Variants in MEI1 observed in about 807,000 individuals in gnomAD.
MEI1 encodes meiosis inhibitor protein 1.
Under a neutral mutation model 146.2 loss-of-function variants are expected in MEI1, and 103 were observed. That is an observed-to-expected ratio of 0.70 (90% CI 0.60 to 0.83). MEI1 has a LOEUF of 0.83. Ranked by LOEUF, MEI1 falls within the 40% of genes least tolerant of loss-of-function variation. The probability of loss-of-function intolerance (pLI) is 0.00; values close to 1 mark genes in which losing one functional copy is unlikely to be tolerated. For synonymous variants in MEI1, 652 were observed against 628.2 expected, an observed-to-expected ratio of 1.04 and a Z score of -0.57; for missense variants, 1,529 against 1,533.0, an observed-to-expected ratio of 1.00 and a Z score of 0.04.
intron 3 of MEI1, among the ~76,000 whole-genome samples, chr22:41,712,229 T>TG (rs1272351490): frequency 2.4e-5 from 2 of 81,756 alleles, no homozygotes; most frequent in African/African-American, 1.2e-4. Context: ...ATTGTGTTTT[T>TG]TTTGTTTGTT....
In MEI1 at chr22:41,709,119, TA is replaced by T. The variant is rs2069333258; in HGVS notation, c.349+3566del. The stretch of plus-strand genomic sequence containing the variant: ...TGAAGTGTTCTGTGTGCTAACAACA[TA>T]GCTTAAAAAAATTCTGCATTTTTAT... On this transcript the variant is annotated intron_variant, in intron 3 of 30. Transcript: ENST00000401548. 18 of 666,466 alleles carry T rather than the reference TA, an allele frequency of 2.7e-5. No individual in the cohort carries two copies. In the South Asian group the frequency reaches 2.8e-4, roughly 10 times the overall value. The allele number at this position is 666,466 out of a possible 1,614,324, so 41.3% of individuals were successfully genotyped here. A position where few individuals can be genotyped will look rare whatever the true frequency, so the allele number is the denominator to read the frequency against.
intron 20 of MEI1, 115 bp downstream of exon 20, chr22:41,771,076 A>G: frequency 8.7e-7 from 1 of 1,155,460 alleles, no homozygotes. Flanking sequence ...CTCCAGACTT[A>G]TCACTGTCTG....
intron 16 of MEI1, among the ~76,000 whole-genome samples, chr22:41,753,040 A>G (rs2073873790): frequency 6.7e-6 from 1 of 148,992 alleles, no homozygotes; most frequent in Non-Finnish European, 1.5e-5. Context: ...TTTTTTTGAG[A>G]TGGAGTCTTG....
At chr22:41,745,768 T>C (rs1601889087) in intron 13 of MEI1, 117 bp from the exon 14 acceptor site, 3 of 1,003,542 alleles carry the variant, frequency 3.0e-6, no homozygotes, top group East Asian at 5.0e-5. Flanking sequence ...AGTCTGATAA[T>C]AGAGATACTT....
intron 26 of MEI1, among the ~76,000 whole-genome samples, chr22:41,788,031 GTTTT>G (rs575057232): frequency 1.6e-3 from 245 of 152,180 alleles, no homozygotes; most frequent in African/African-American, 5.4e-3. Flanking sequence ...ACCAGTATTT[GTTTT>G]TTTGTTTGTT....
intron 26 of MEI1, among the ~76,000 whole-genome samples, chr22:41,793,480 T>G (rs984326189): frequency 6.6e-6 from 1 of 152,100 alleles, no homozygotes; most frequent in African/African-American, 2.4e-5. Flanking sequence ...TTTTGTATAT[T>G]TAGTAGAGAT....
chr22:41,795,105 TG>T lies in MEI1; in HGVS notation c.3535-304del, dbSNP rs774850603. ...AAACAACAGGTACAAGAGCACATGG[TG>T]GTATGTCAGGGGAGCCACACGTAGT... is the stretch of plus-strand genomic sequence containing the variant. On this transcript the variant is annotated intron_variant, in intron 28 of 30. Coordinates refer to ENST00000401548, the MANE Select transcript of MEI1 (RefSeq NM_152513.4). This position sits in a 1 kb window ranked among gnomAD's most constrained non-coding sequence, Gnocchi z 4.2. 2.0e-5 allele frequency among the ~76,000 whole-genome samples: 3 copies of T among 152,106 alleles called. No individual in the cohort carries two copies. Among genetic ancestry groups the T allele is most frequent in the Non-Finnish European group, 4.4e-5 (3 of 68,016 alleles).
chr22:41,766,236 C>T (rs1424946009), intron 19 of MEI1, among the ~76,000 whole-genome samples: 2 of 146,032 alleles, frequency 1.4e-5, no homozygotes, highest in African/African-American at 5.1e-5. Flanking sequence ...TGCAGTGGCG[C>T]GATCTCTGCT....
intron 1 of MEI1, among the ~76,000 whole-genome samples, chr22:41,702,749 A>T (rs1237888218): frequency 2.7e-5 from 4 of 150,612 alleles, no homozygotes; most frequent in Non-Finnish European, 4.4e-5. Context: ...CCGGCCTCTG[A>T]ACACACTTTT....
intron 1 of MEI1, among the ~76,000 whole-genome samples, chr22:41,702,498 G>A (rs1414626225): frequency 1.3e-5 from 2 of 150,268 alleles, no homozygotes; most frequent in Non-Finnish European, 3.0e-5. Context: ...CCAGGCTGTA[G>A]TGCAATGGCG....
intron 1 of MEI1, among the ~76,000 whole-genome samples, chr22:41,700,637 G>A (rs2068634434): frequency 6.6e-6 from 1 of 152,144 alleles, no homozygotes; most frequent in African/African-American, 2.4e-5. Context: ...GACCTGCAGT[G>A]AGTTTTCTTG....
chr22:41,748,033 T>C, intron 14 of MEI1, 74 bp from the exon 15 acceptor site: 2 of 988,310 alleles, frequency 2.0e-6, no homozygotes, highest in South Asian at 2.8e-5. Flanking sequence ...AGATTTGATG[T>C]GAGTTTTCTC....
At chr22:41,769,267 AT>A (rs746618692) in intron 19 of MEI1, among the ~76,000 whole-genome samples, 4 of 152,172 alleles carry the variant, frequency 2.6e-5, no homozygotes, top group Non-Finnish European at 4.4e-5. Context: ...AAACCCATAC[AT>A]TTATGGTCAA....
rs1213937818 is a variant in MEI1 at position 41,703,559 on chromosome 22, T to C, written c.298+105T>C. ...TCTTAGATGATTTAGGTTTTTTGTATTGTAATACTTTATCAGCAAATTGTT... is the reference window on the plus strand; with the variant it reads ...TCTTAGATGATTTAGGTTTTTTGTACTGTAATACTTTATCAGCAAATTGTT... On this transcript the variant is annotated intron_variant, in intron 2 of 30. Coordinates refer to ENST00000401548, the MANE Select transcript of MEI1 (RefSeq NM_152513.4). 1.8e-5 allele frequency: 19 copies of C among 1,027,490 alleles called. No individual in the cohort carries two copies. The South Asian group carries it at 2.8e-4, about 15-fold the overall frequency. The allele number at this position is 1,027,490 out of a possible 1,614,324, so 63.6% of individuals were successfully genotyped here.
chr22:41,752,496 CTG>C (rs1184684488), intron 15 of MEI1, 93 bp from the exon 16 acceptor site: 2 of 1,164,576 alleles, frequency 1.7e-6, no homozygotes, highest in East Asian at 5.1e-5. Context: ...CTGTGTAACT[CTG>C]AAACCAGAGC....
intron 22 of MEI1, among the ~76,000 whole-genome samples, chr22:41,779,180 G>A (rs1452786950): frequency 6.6e-6 from 1 of 151,920 alleles, no homozygotes; most frequent in East Asian, 1.9e-4. Flanking sequence ...AGGCCTAGTG[G>A]CTCACGCCTA....
At chr22:41,772,600 G>A (rs1258369339) in intron 20 of MEI1, among the ~76,000 whole-genome samples, 1 of 152,114 alleles carries the variant, frequency 6.6e-6, no homozygotes, top group Non-Finnish European at 1.5e-5. Flanking sequence ...GGGATTATAG[G>A]CATAAACGAC....
chr22:41,786,146 G>T (rs1277118504), intron 26 of MEI1, among the ~76,000 whole-genome samples: 1 of 150,678 alleles, frequency 6.6e-6, no homozygotes, highest in East Asian at 2.0e-4. Flanking sequence ...TCCTGACCTC[G>T]TGATCCGCCC....
Position 41,703,360 on chromosome 22 carries a change from C to T in MEI1, c.204C>T (p.Cys68=), listed in dbSNP as rs1015143393. The T allele has an allele frequency of 5.6e-6, 9 of 1,612,694 alleles. No homozygotes were observed. The highest frequency in any genetic ancestry group is 1.1e-5 in the South Asian group (1 of 90,726). The change falls in exon 2 of 31, where the codon TGC becomes TGT. Residue 68 remains cysteine, a synonymous_variant. Coordinates refer to ENST00000401548, the MANE Select transcript of MEI1 (RefSeq NM_152513.4). ...SLVRKKHMLS[C]FQDALVRHTS... ...TGCGCAAGAAGCACATGTTGTCCTGCTTCCAAGATGCCCTTGTGAGGCATA... is the reference window on the plus strand; with the variant it reads ...TGCGCAAGAAGCACATGTTGTCCTGTTTCCAAGATGCCCTTGTGAGGCATA...
Sources: gnomAD v4.1 joint callset for allele counts (sites outside exome capture counted in the v4.1 genomes callset) on GRCh38, gnomAD v4.1.1 for gene constraint, Gnocchi (gnomAD v3.1) non-coding constraint, MANE v1.5 for transcripts, NCBI Gene and HGNC (gene_info 2026-07-23, HGNC 2026-07-21) for gene names.